Variants in MAP2K4 observed in about 807,000 individuals in gnomAD.
MAP2K4 encodes dual specificity mitogen-activated protein kinase kinase 4.
A neutral mutation model predicts 48.5 loss-of-function variants in MAP2K4; 4 were observed. The ratio of observed to expected loss-of-function variants is 0.08; its 90% CI spans 0.04 to 0.19. The LOEUF is 0.19. Among genes scored for constraint, MAP2K4 ranks in the 10% least tolerant of loss-of-function variants. The pLI, the probability that MAP2K4 is intolerant of heterozygous loss-of-function variation, is 1.00. For synonymous variants in MAP2K4, 166 were observed against 173.1 expected (o/e 0.96, Z 0.32); for missense variants, 258 against 493.3 (o/e 0.52, Z 4.52).
At chr17:12,027,642 C>T (rs1969299637) in intron 1 of MAP2K4, among the ~76,000 whole-genome samples, 1 of 152,050 alleles carries the variant, frequency 6.6e-6, no homozygotes, top group Non-Finnish European at 1.5e-5. Context: ...CTGAAGAAAT[C>T]AGTGACATTA....
At chr17:12,102,596 G>C (rs1971969872) in intron 4 of MAP2K4, among the ~76,000 whole-genome samples, 1 of 151,848 alleles carries the variant, frequency 6.6e-6, no homozygotes, top group African/African-American at 2.4e-5. Context: ...ATATAGAATT[G>C]GTATTATTTT....
intron 2 of MAP2K4, among the ~76,000 whole-genome samples, chr17:12,072,545 A>G (rs950518048): frequency 1.3e-5 from 2 of 152,192 alleles, no homozygotes; most frequent in East Asian, 3.8e-4. Context: ...TCCAACTACA[A>G]TTAGACTTTT....
chr17:12,124,864 A>G (rs985163998), intron 7 of MAP2K4: 1 of 161,054 alleles, frequency 6.2e-6, no homozygotes, highest in Non-Finnish European at 1.4e-5. Context: ...TTTAGTAGAG[A>G]TGGGGTTTCA....
At chr17:12,110,605 A>G (rs1972273654) in intron 6 of MAP2K4, 179 bp downstream of exon 6, 5 of 568,240 alleles carry the variant, frequency 8.8e-6, no homozygotes, top group African/African-American at 7.7e-5. Flanking sequence ...TTGGGATTCA[A>G]TAAATTTCAG....
intron 5 of MAP2K4, among the ~76,000 whole-genome samples, chr17:12,108,653 T>C (rs528917369): frequency 6.6e-6 from 1 of 152,144 alleles, no homozygotes; most frequent in East Asian, 1.9e-4. Flanking sequence ...TAATGGCATG[T>C]TCTAGGTTAG....
chr17:12,120,376 C>T (rs1173202858), intron 7 of MAP2K4, among the ~76,000 whole-genome samples: 2 of 152,084 alleles, frequency 1.3e-5, no homozygotes, highest in African/African-American at 4.8e-5. Context: ...ATGAGAATTG[C>T]TTGAACCCAG....
chr17:12,135,078 T>G (rs1307977128), intron 9 of MAP2K4, among the ~76,000 whole-genome samples: 1 of 151,900 alleles, frequency 6.6e-6, no homozygotes, highest in East Asian at 1.9e-4. Flanking sequence ...AATTTTTGTT[T>G]TTTTGTTGTT....
chr17:12,101,362 T>G (rs539940166), intron 4 of MAP2K4, among the ~76,000 whole-genome samples: 45 of 152,200 alleles, frequency 3.0e-4, no homozygotes, highest in Admixed American at 1.4e-3. Flanking sequence ...ATCTGTTGTT[T>G]TTCTGTCTTT....
intron 2 of MAP2K4, among the ~76,000 whole-genome samples, chr17:12,059,982 A>G (rs1469356928): frequency 6.6e-6 from 1 of 152,124 alleles, no homozygotes; most frequent in African/African-American, 2.4e-5. Context: ...GTTCGAGACC[A>G]GGCTGGGCAA....
At chr17:12,113,627 A>G (rs951094471) in intron 7 of MAP2K4, among the ~76,000 whole-genome samples, 1 of 152,178 alleles carries the variant, frequency 6.6e-6, no homozygotes, top group African/African-American at 2.4e-5. Context: ...CATTATATTG[A>G]ACTCAACTCA....
chr17:12,111,844 C>T (rs1323225216), intron 6 of MAP2K4, among the ~76,000 whole-genome samples: 3 of 21,184 alleles, frequency 1.4e-4, no homozygotes, highest in African/African-American at 2.9e-4. Flanking sequence ...ATATGCTCCT[C>T]TTCCTTCTGT....
At chr17:12,030,832 T>A (rs1969414745) in intron 1 of MAP2K4, among the ~76,000 whole-genome samples, 1 of 152,192 alleles carries the variant, frequency 6.6e-6, no homozygotes, top group Admixed American at 6.5e-5. Context: ...TTAAAGTTGT[T>A]TGTTTCCCAG....
intron 1 of MAP2K4, among the ~76,000 whole-genome samples, chr17:12,030,862 A>G (rs1204516011): frequency 6.6e-6 from 1 of 152,166 alleles, no homozygotes; most frequent in East Asian, 1.9e-4. Context: ...CAGTTGTAGT[A>G]GAAGGTGAGT....
intron 1 of MAP2K4, among the ~76,000 whole-genome samples, chr17:12,036,821 C>A (rs892912234): frequency 6.6e-6 from 1 of 151,756 alleles, no homozygotes; most frequent in African/African-American, 2.4e-5. Context: ...AGTAGCTAGG[C>A]GTTTGGCAAA....
At chr17:12,118,914 A>G (rs375014553) in intron 7 of MAP2K4, among the ~76,000 whole-genome samples, 1 of 152,240 alleles carries the variant, frequency 6.6e-6, no homozygotes, top group Non-Finnish European at 1.5e-5. Flanking sequence ...GATGGATTCC[A>G]TATGTTAAAG....
chr17:12,132,901 A>G (rs1172376367), intron 9 of MAP2K4, among the ~76,000 whole-genome samples: 1 of 152,146 alleles, frequency 6.6e-6, no homozygotes, highest in Non-Finnish European at 1.5e-5. Context: ...AAATGATTAC[A>G]TTTGTAGTAA....
chr17:12,114,239 A>G (rs1315315039), intron 7 of MAP2K4, among the ~76,000 whole-genome samples: 2 of 152,218 alleles, frequency 1.3e-5, no homozygotes, highest in African/African-American at 4.8e-5. Flanking sequence ...AGTAAGAGTC[A>G]CAGGCTAGAT....
intron 2 of MAP2K4, among the ~76,000 whole-genome samples, chr17:12,072,644 G>A (rs566770886): frequency 7.9e-5 from 12 of 152,170 alleles, no homozygotes; most frequent in African/African-American, 2.9e-4. Context: ...CATAGATTGG[G>A]ATTAAATTGA....
chr17:12,026,353 A>G (rs1969250865), intron 1 of MAP2K4, among the ~76,000 whole-genome samples: 1 of 152,178 alleles, frequency 6.6e-6, no homozygotes, highest in Non-Finnish European at 1.5e-5. Context: ...TGGATATCAT[A>G]ATCCTAACTC....
Sources: allele counts gnomAD v4.1 joint callset (sites outside exome capture counted in the v4.1 genomes callset), GRCh38; gene constraint gnomAD v4.1.1; transcripts MANE v1.5; gene names NCBI Gene and HGNC (gene_info 2026-07-23, HGNC 2026-07-21).